The following SRC variants were observed in gnomAD, a reference collection of about 807,000 sequenced individuals.
The protein encoded by SRC is SRC proto-oncogene, non-receptor tyrosine kinase.
SRC carries 13 observed loss-of-function variants against 62.9 expected under a neutral mutation model. That is an observed-to-expected ratio of 0.21 (90% CI 0.13 to 0.33). The LOEUF is 0.33. Among genes scored for constraint, SRC ranks in the 10% least tolerant of loss-of-function variants. The pLI, the probability that SRC is intolerant of heterozygous loss-of-function variation, is 1.00. For missense variants in SRC, 457 were observed against 737.3 expected (o/e 0.62, Z 4.40); for synonymous variants, 302 against 317.5 (o/e 0.95, Z 0.52).
At position 37,402,956 on chromosome 20, in the gene SRC, T is replaced by C; in HGVS notation, c.1402+76T>C. On this transcript the variant is annotated intron_variant, in intron 13 of 13. Coordinates refer to ENST00000373578, the MANE Select transcript of SRC (RefSeq NM_198291.3). This position sits in a 1 kb window ranked among gnomAD's most constrained non-coding sequence, Gnocchi z 6.2. The stretch of plus-strand genomic sequence containing the variant: ...GTGGCCTTGGGCAAGTCATGACTCC[T>C]GCTGGGCCTGTTTCCCCACCCGTAA... 1 of 1,528,942 alleles carries C rather than the reference T, an allele frequency of 6.5e-7. No individual in the cohort carries two copies. The highest frequency in any genetic ancestry group is 1.2e-5 in the South Asian group (1 of 80,178). The allele number at this position is 1,528,942 out of a possible 1,614,324, so 94.7% of individuals were successfully genotyped here.
intron 5 of SRC, among the ~76,000 whole-genome samples, chr20:37,388,713 C>T (rs1311808128): frequency 1.3e-5 from 2 of 151,930 alleles, no homozygotes; most frequent in African/African-American, 2.4e-5. Context: ...TGCTACTGCA[C>T]TCCAGCCTGG....
intron 1 of SRC, among the ~76,000 whole-genome samples, chr20:37,364,434 C>T (rs568883904): frequency 3.9e-5 from 6 of 152,284 alleles, no homozygotes; most frequent in Admixed American, 2.6e-4. Context: ...CTCTGAGGAC[C>T]AACTGTCCCT....
At chr20:37,392,701 C>T (rs2070571569) in intron 5 of SRC, among the ~76,000 whole-genome samples, 1 of 152,050 alleles carries the variant, frequency 6.6e-6, no homozygotes, top group African/African-American at 2.4e-5. Flanking sequence ...CCCAGCTGTA[C>T]AGTGGGAATG....
In SRC at chr20:37,384,017, T is replaced by G; in HGVS notation, c.-4-133T>G. The G allele has an allele frequency of 1.0e-5, 13 of 1,252,278 alleles. No homozygotes were observed. The highest frequency in any genetic ancestry group is 1.6e-5 in the African/African-American group (1 of 63,314). 77.6% of individuals were successfully genotyped at this position (1,252,278 alleles called of 1,614,324 possible). A position where few individuals can be genotyped will look rare whatever the true frequency, so the allele number is the denominator to read the frequency against. On this transcript the variant is annotated intron_variant, in intron 3 of 13. Transcript: ENST00000373578. This position sits in a 1 kb window ranked among gnomAD's most constrained non-coding sequence, Gnocchi z 6.7. ...TCCCAAAGTGCTGGGATTACAGGCGTGAGCCACCGCGCCCGGCCCTGCTGC... is the reference window on the plus strand; with the variant it reads ...TCCCAAAGTGCTGGGATTACAGGCGGGAGCCACCGCGCCCGGCCCTGCTGC...
intron 5 of SRC, among the ~76,000 whole-genome samples, chr20:37,388,008 C>T (rs771034287): frequency 1.3e-5 from 2 of 152,208 alleles, no homozygotes; most frequent in Non-Finnish European, 2.9e-5. Flanking sequence ...TAGGCTGGCC[C>T]TCCGACCCAT....
chr20:37,380,304 A>G (rs13036724), intron 2 of SRC, among the ~76,000 whole-genome samples: 6 of 152,134 alleles, frequency 3.9e-5, no homozygotes, highest in Non-Finnish European at 8.8e-5. Flanking sequence ...TGTGAGTTTC[A>G]GCCCCTGATT....
chr20:37,389,457 C>T (rs984402689), intron 5 of SRC, among the ~76,000 whole-genome samples: 7 of 152,200 alleles, frequency 4.6e-5, no homozygotes, highest in Non-Finnish European at 7.3e-5. Flanking sequence ...TCATGCTCTC[C>T]TCCAGAGACC....
intron 2 of SRC, among the ~76,000 whole-genome samples, chr20:37,377,799 C>T (rs1323021254): frequency 1.3e-5 from 2 of 152,178 alleles, no homozygotes; most frequent in African/African-American, 4.8e-5. Flanking sequence ...AGGGATTTTC[C>T]TCTCCCCATC....
chr20:37,396,156 C>A lies in SRC; in HGVS notation c.554-6C>A. The A allele has an allele frequency of 6.2e-7, 1 of 1,611,446 alleles. No individual in the cohort carries two copies. Among genetic ancestry groups the A allele is most frequent in the Admixed American group, 1.7e-5 (1 of 60,006 alleles). ...GGCGGTCACGGCTCCCCTCGGTGCC[C>A]CGCAGGTGCCTACTGCCTCTCAGTG... On this transcript the variant is annotated splice_region_variant and splice_polypyrimidine_tract_variant and intron_variant, in intron 7 of 13. Coordinates refer to ENST00000373578, the MANE Select transcript of SRC (RefSeq NM_198291.3). This position sits in a 1 kb window ranked among gnomAD's most constrained non-coding sequence, Gnocchi z 6.1.
chr20:37,372,948 TATGTC>T (rs1159641010), intron 2 of SRC, among the ~76,000 whole-genome samples: 12 of 152,272 alleles, frequency 7.9e-5, no homozygotes, highest in Middle Eastern at 3.4e-3. Flanking sequence ...TTCTAGGTCT[TATGTC>T]ATGTTTAGGA....
At chr20:37,365,969 A>G (rs1600970186) in intron 2 of SRC, among the ~76,000 whole-genome samples, 1 of 151,836 alleles carries the variant, frequency 6.6e-6, no homozygotes, top group South Asian at 2.1e-4. Context: ...TTGACAGTGT[A>G]CCTCAGAGAT....
Position 37,404,264 on chromosome 20 carries a change from T to G in SRC, c.*885T>G, listed in dbSNP as rs2070789296. The stretch of plus-strand genomic sequence containing the variant: ...TGCCGCTGCCCGCTCAGCCCAGCTG[T>G]TGGGAACAGCATGGAGGCAGATGTG... On this transcript the variant is annotated 3_prime_UTR_variant, in exon 14 of 14. Transcript: ENST00000373578. The G allele has an allele frequency of 4.3e-6, 1 of 232,950 alleles. No individual in the cohort carries two copies. Among genetic ancestry groups the G allele is most frequent in the African/African-American group, 2.2e-5 (1 of 45,122 alleles). The allele number at this position is 232,950 out of a possible 1,614,324, so 14.4% of individuals were successfully genotyped here.
chr20:37,359,606 G>A (rs897477726), intron 1 of SRC, among the ~76,000 whole-genome samples: 1 of 152,228 alleles, frequency 6.6e-6, no homozygotes, highest in African/African-American at 2.4e-5. Flanking sequence ...AGCCTGGAGT[G>A]CTGGTGGAAC....
In SRC at chr20:37,384,893, G is replaced by A. The variant is rs539854929; in HGVS notation, c.250+490G>A. Among the ~76,000 whole-genome samples the A allele has an allele frequency of 3.9e-5, 6 of 152,314 alleles. No homozygotes were observed. The South Asian group carries it at 1.2e-3, about 32-fold the overall frequency. ...GCTCTGCGGTCACCGCAGCCCCGGA[G>A]AGGGCCGTTTTGGAGAGCCGCGGCG... On this transcript the variant is annotated intron_variant, in intron 4 of 13. Coordinates refer to ENST00000373578, the MANE Select transcript of SRC (RefSeq NM_198291.3). The surrounding 1 kb of genome is among the most constrained non-coding windows in gnomAD (Gnocchi z 6.7).
rs779408779 is a variant in SRC, at chr20:37,402,391, G to T, written c.1117-44G>T. Reference sequence around the variant, plus strand: ...CAGAGTGCTCTGTGGCCCTGGGAGGGCATGGGTGGCACCTGAGCCAGGCTC... The same window carrying T: ...CAGAGTGCTCTGTGGCCCTGGGAGGTCATGGGTGGCACCTGAGCCAGGCTC... On this transcript the variant is annotated intron_variant, in intron 11 of 13. Transcript: ENST00000373578. This position sits in a 1 kb window ranked among gnomAD's most constrained non-coding sequence, Gnocchi z 6.2. 1.9e-6 allele frequency: 3 copies of T among 1,598,078 alleles called. No individual in the cohort carries two copies. In the Admixed American group the frequency reaches 5.2e-5, roughly 28 times the overall value.
chr20:37,369,415 T>G (rs1336551948), intron 2 of SRC, among the ~76,000 whole-genome samples: 4 of 152,224 alleles, frequency 2.6e-5, no homozygotes, highest in Non-Finnish European at 4.4e-5. Context: ...ATAAATTTCC[T>G]TCTTAATTTT....
intron 1 of SRC, among the ~76,000 whole-genome samples, chr20:37,354,096 G>A (rs766724831): frequency 2.6e-5 from 4 of 152,176 alleles, no homozygotes; most frequent in African/African-American, 7.2e-5. Flanking sequence ...AGACCACCCC[G>A]TTATCCAGAT....
At chr20:37,385,817 C>T (rs2070445666) in intron 4 of SRC, among the ~76,000 whole-genome samples, 2 of 152,218 alleles carry the variant, frequency 1.3e-5, no homozygotes, top group African/African-American at 2.4e-5. Flanking sequence ...AGCCAGCACC[C>T]AGCACTGCCC....
chr20:37,399,675 T>A (rs765546168), intron 9 of SRC, among the ~76,000 whole-genome samples: 19 of 151,820 alleles, frequency 1.3e-4, no homozygotes, highest in Admixed American at 3.9e-4. Context: ...CTCCCGAGTA[T>A]CCAGTATTAC....
Sources: allele counts gnomAD v4.1 joint callset (sites outside exome capture counted in the v4.1 genomes callset), GRCh38; gene constraint gnomAD v4.1.1; non-coding constraint Gnocchi (gnomAD v3.1); transcripts MANE v1.5; gene names NCBI Gene and HGNC (gene_info 2026-07-23, HGNC 2026-07-21).